DDHD1: variants seen among roughly 807,000 people sequenced by gnomAD.
DDHD1 encodes DDHD domain containing 1, also known as phospholipase DDHD1.
DDHD1 carries 49 observed loss-of-function variants against 96.4 expected under a neutral mutation model. The observed-to-expected ratio is 0.51, with a 90% CI of 0.40 to 0.64. The LOEUF is 0.64. DDHD1 is among the 30% of genes least tolerant of loss of function. The probability of loss-of-function intolerance (pLI) is 0.00; values close to 1 mark genes in which losing one functional copy is unlikely to be tolerated. For missense variants in DDHD1, 1,106 were observed against 1,161.2 expected (o/e 0.95, Z 0.69); for synonymous variants, 442 against 446.5 (o/e 0.99, Z 0.13).
At chr14:53,114,288 C>A (rs373359820) in intron 1 of DDHD1, among the ~76,000 whole-genome samples, 2 of 152,206 alleles carry the variant, frequency 1.3e-5, no homozygotes, top group Admixed American at 6.5e-5. Flanking sequence ...GCTGTGGGCA[C>A]GAGGCTTCAG....
chr14:53,100,255 C>T (rs1255735903), intron 2 of DDHD1, among the ~76,000 whole-genome samples: 1 of 151,862 alleles, frequency 6.6e-6, no homozygotes, highest in Non-Finnish European at 1.5e-5. Flanking sequence ...GCAGGAGGAA[C>T]ACTTGAGCCC....
chr14:53,148,104 T>C (rs1194433140), intron 1 of DDHD1, among the ~76,000 whole-genome samples: 3 of 152,170 alleles, frequency 2.0e-5, no homozygotes, highest in Non-Finnish European at 4.4e-5. Flanking sequence ...TGGTTTAAAA[T>C]TACAATAATG....
chr14:53,104,793 C>CTG (rs1887564399), intron 1 of DDHD1, among the ~76,000 whole-genome samples: 3 of 151,530 alleles, frequency 2.0e-5, no homozygotes, highest in Admixed American at 1.3e-4. Context: ...ATAACAAAAC[C>CTG]CTAAAAGTAA....
Position 53,152,771 on chromosome 14 carries a change from C to CGCCGCT in DDHD1, c.322_327dup (p.Ser108_Gly109dup), listed in dbSNP as rs747912386. ...TGCAGCGACAAGGAGCTGCCGCCGCCGCCGCTCTCACCCTCGCTGTAGTAG... is the reference window on the plus strand; with the variant it reads ...TGCAGCGACAAGGAGCTGCCGCCGCCGCCGCTGCCGCTCTCACCCTCGCTGTAGTAG... On this transcript the variant is annotated inframe_insertion, in exon 1 of 13. Coordinates refer to ENST00000673822, the MANE Select transcript of DDHD1 (RefSeq NM_001160148.2). 1.9e-5 allele frequency: 30 copies of CGCCGCT among 1,603,340 alleles called. No homozygotes were observed. Among genetic ancestry groups the CGCCGCT allele is most frequent in the Non-Finnish European group, 2.3e-5 (27 of 1,176,166 alleles).
intron 4 of DDHD1, among the ~76,000 whole-genome samples, chr14:53,079,548 T>C (rs1022967203): frequency 1.5e-4 from 23 of 152,360 alleles, no homozygotes; most frequent in African/African-American, 1.9e-4. Context: ...CTTTGTAGCA[T>C]AGAATTGTGC....
chr14:53,037,007 C>T lies in DDHD1; in HGVS notation c.*9761G>A, dbSNP rs901764246. 1.3e-5 allele frequency: 2 copies of T among 152,054 alleles called. No homozygotes were observed. The highest frequency in any genetic ancestry group is 4.8e-5 in the African/African-American group (2 of 41,398). The allele number at this position is 152,054 out of a possible 1,614,324, so 9.4% of individuals were successfully genotyped here. ...ATCCTGAGGTACTCAATATTTAGCT[C>T]CCATTTGTTAGAACATGCAGTACTT... On this transcript the variant is annotated 3_prime_UTR_variant, in exon 13 of 13. Transcript: ENST00000673822.
intron 5 of DDHD1, 47 bp downstream of exon 5, chr14:53,073,694 T>C: frequency 6.6e-7 from 1 of 1,507,344 alleles, no homozygotes; most frequent in Non-Finnish European, 9.0e-7. Context: ...TTTATTTTGG[T>C]AAAAGTTTGC....
Position 53,152,445 on chromosome 14 carries a change from G to T in DDHD1, c.654C>A (p.Pro218=). The T allele has an allele frequency of 6.2e-7, 1 of 1,613,432 alleles. No individual in the cohort carries two copies. The highest frequency in any genetic ancestry group is 8.5e-7 in the Non-Finnish European group (1 of 1,179,892). Residue 218 remains proline, a synonymous_variant, in exon 1 of 13, where the codon CCC becomes CCA. Coordinates refer to ENST00000673822, the MANE Select transcript of DDHD1 (RefSeq NM_001160148.2). ...CTCCGGAACTGGAGGCTGGGCCCGT[G>T]GGGGAGCACACATGGTCGCCGTCCC... ...GDRDGDHVCS[P]TGPASSSGED...
intron 6 of DDHD1, among the ~76,000 whole-genome samples, chr14:53,065,942 G>A (rs1317390437): frequency 2.6e-5 from 4 of 152,146 alleles, no homozygotes; most frequent in East Asian, 1.9e-4. Context: ...GGTGGCCCTT[G>A]TAAGACATAA....
At chr14:53,124,479 T>C (rs1268768098) in intron 1 of DDHD1, among the ~76,000 whole-genome samples, 1 of 152,132 alleles carries the variant, frequency 6.6e-6, no homozygotes, top group East Asian at 1.9e-4. Flanking sequence ...TTAGCAATTA[T>C]ATAGAATTTT....
intron 1 of DDHD1, among the ~76,000 whole-genome samples, chr14:53,147,289 C>T (rs1891062173): frequency 6.6e-6 from 1 of 152,080 alleles, no homozygotes; most frequent in Non-Finnish European, 1.5e-5. Flanking sequence ...ATAAAAGACC[C>T]AAAATACAAT....
chr14:53,053,717 G>C (rs1386876039), intron 11 of DDHD1: 4 of 151,998 alleles, frequency 2.6e-5, no homozygotes, highest in Non-Finnish European at 5.9e-5. Flanking sequence ...TTCATTATAG[G>C]TGTCAATGAA....
At position 53,061,155 on chromosome 14, in the gene DDHD1, T is replaced by C. The variant is rs1358278519; in HGVS notation, c.1813A>G (p.Met605Val). 9 of 1,611,572 alleles carry C rather than the reference T, an allele frequency of 5.6e-6. No homozygotes were observed. Among genetic ancestry groups the C allele is most frequent in the Admixed American group, 5.0e-5 (3 of 59,408 alleles). Residue 605 changes from methionine to valine, a missense_variant, in exon 8 of 13, where the codon ATG (methionine) becomes GTG (valine). This residue lies in a region of DDHD1 where 650 missense variants were observed against 758.8 expected (regional missense o/e 0.86). Transcript: ENST00000673822. ...AATTTTAAGGCAGGTGTTTGTGTCA[T>C]AGATGATGCTTTCAATCCGTGAAGC... ...ERLHGLKASSMTQTPALKFKV... is the reference protein window; with the variant it reads ...ERLHGLKASSVTQTPALKFKV...
intron 4 of DDHD1, among the ~76,000 whole-genome samples, chr14:53,089,495 CTCAGAAAT>C (rs1886256882): frequency 6.6e-6 from 1 of 152,136 alleles, no homozygotes; most frequent in Admixed American, 6.5e-5. Flanking sequence ...GAACACAGGC[CTCAGAAAT>C]AACACCACAC....
At chr14:53,121,286 T>C (rs1888962125) in intron 1 of DDHD1, among the ~76,000 whole-genome samples, 1 of 152,210 alleles carries the variant, frequency 6.6e-6, no homozygotes, top group African/African-American at 2.4e-5. Flanking sequence ...AAACAACAGA[T>C]GCTGGTGAGG....
At chr14:53,052,034 C>A (rs1360782770) in intron 11 of DDHD1, 107 bp from the exon 12 acceptor site, 3 of 759,796 alleles carry the variant, frequency 3.9e-6, no homozygotes, top group South Asian at 3.2e-5. Flanking sequence ...AATAAACTGA[C>A]TAAATCTAGC....
At chr14:53,113,443 C>T (rs1405194368) in intron 1 of DDHD1, among the ~76,000 whole-genome samples, 1 of 136,118 alleles carries the variant, frequency 7.3e-6, no homozygotes, top group East Asian at 2.1e-4. Flanking sequence ...AAAATATGGG[C>T]AAAGGAGGAG....
At chr14:53,095,950 T>G (rs185968153) in intron 2 of DDHD1, among the ~76,000 whole-genome samples, 18 of 152,250 alleles carry the variant, frequency 1.2e-4, no homozygotes, top group African/African-American at 4.3e-4. Flanking sequence ...GTTACTGGAC[T>G]ATACACACTG....
chr14:53,087,279 G>C (rs985378966), intron 4 of DDHD1, among the ~76,000 whole-genome samples: 1 of 151,750 alleles, frequency 6.6e-6, no homozygotes, highest in African/African-American at 2.4e-5. Context: ...AAGGATATCC[G>C]GGACTTGAAC....
Sources: allele counts gnomAD v4.1 joint callset (sites outside exome capture counted in the v4.1 genomes callset), GRCh38; gene constraint gnomAD v4.1.1; regional missense constraint gnomAD v4.1.1; transcripts MANE v1.5; gene names NCBI Gene and HGNC (gene_info 2026-07-23, HGNC 2026-07-21).